Variants in FKRP observed in about 807,000 individuals in gnomAD.
FKRP encodes ribitol 5-phosphate transferase FKRP.
In FKRP, 25 loss-of-function variants were observed where a neutral mutation model predicts 30.6. The observed-to-expected ratio is 0.82, with a 90% CI of 0.60 to 1.14. The LOEUF (loss-of-function observed/expected upper bound fraction) is 1.14. FKRP is among the 50% of genes most tolerant of loss of function. FKRP has a pLI of 0.00. For synonymous variants in FKRP, 358 were observed against 342.5 expected (o/e 1.05, Z -0.50); for missense variants, 771 against 727.8 (o/e 1.06, Z -0.68).
rs1481394527 is a variant in FKRP, at chr19:46,757,951, A to C, written c.*1013A>C. ...GAACCGACTTCTGAATCGCAGCTCC[A>C]CTCATGACTAATACCTCATTATTTC... On this transcript the variant is annotated 3_prime_UTR_variant, in exon 4 of 4. Coordinates refer to ENST00000318584, the MANE Select transcript of FKRP (RefSeq NM_024301.5). 1 of 167,078 alleles carries C rather than the reference A, an allele frequency of 6.0e-6. No individual in the cohort carries two copies. Among genetic ancestry groups the C allele is most frequent in the Non-Finnish European group, 1.5e-5 (1 of 68,144 alleles). The allele number at this position is 167,078 out of a possible 1,614,324, so 10.3% of individuals were successfully genotyped here.
chr19:46,749,438 G>T (rs1176056480), intron 3 of FKRP, among the ~76,000 whole-genome samples: 8 of 138,062 alleles, frequency 5.8e-5, no homozygotes, highest in East Asian at 2.1e-4. Flanking sequence ...TTGAGATAAG[G>T]TCTCGAGGCC....
rs1340177306 is a variant in FKRP, at chr19:46,757,399, TG to T, written c.*468del. On this transcript the variant is annotated 3_prime_UTR_variant, in exon 4 of 4. Transcript: ENST00000318584. Reference sequence around the variant, plus strand: ...CTATCGCTTCGGAGCCAGGTGGGCCTGGGGGGGCGTCGCAGTCTCTCTGTGC... The same window carrying T: ...CTATCGCTTCGGAGCCAGGTGGGCCTGGGGGGCGTCGCAGTCTCTCTGTGC... 4 of 193,554 alleles carry T rather than the reference TG, an allele frequency of 2.1e-5. No individual in the cohort carries two copies. The highest frequency in any genetic ancestry group is 5.4e-5 in the Admixed American group (1 of 18,508). The allele number at this position is 193,554 out of a possible 1,614,324, so 12.0% of individuals were successfully genotyped here.
chr19:46,750,703 T>C (rs977479132), intron 3 of FKRP, among the ~76,000 whole-genome samples: 1 of 152,028 alleles, frequency 6.6e-6, no homozygotes, highest in African/African-American at 2.4e-5. Flanking sequence ...CTGATTTTTG[T>C]ATTTTTTTAG....
rs1331909254 is a variant in FKRP at position 46,758,400 on chromosome 19, A to G, written c.*1462A>G. On this transcript the variant is annotated 3_prime_UTR_variant, in exon 4 of 4. Transcript: ENST00000318584. The stretch of plus-strand genomic sequence containing the variant: ...AATGGTATTTGGGCATGTATTCCCA[A>G]TATGTGTATATTTATTTATAAATAT... 2 of 167,012 alleles carry G rather than the reference A, an allele frequency of 1.2e-5. No individual in the cohort carries two copies. 10.3% of individuals were successfully genotyped at this position (167,012 alleles called of 1,614,324 possible). A position where few individuals can be genotyped will look rare whatever the true frequency, so the allele number is the denominator to read the frequency against.
rs2054903007 is a variant in FKRP, at chr19:46,755,883, G to A, written c.433G>A (p.Val145Met). Reference sequence around the variant, plus strand: ...GGCACCTGGCCTGCTGGAGCGCATGGTGGAGGCGCTCCGCGCAGGAAGCGC... The same window carrying A: ...GGCACCTGGCCTGCTGGAGCGCATGATGGAGGCGCTCCGCGCAGGAAGCGC... ...AEAPGLLERMVEALRAGSARL... is the reference protein window; with the variant it reads ...AEAPGLLERMMEALRAGSARL... Residue 145 changes from valine (V) to methionine (M), a missense_variant, in exon 4 of 4, where the codon GTG (valine) becomes ATG (methionine). By Grantham distance (21) the Val-to-Met change is conservative. Coordinates refer to ENST00000318584, the MANE Select transcript of FKRP (RefSeq NM_024301.5). 6.7e-7 allele frequency: 1 copy of A among 1,502,058 alleles called. No homozygotes were observed. The highest frequency in any genetic ancestry group is 8.9e-7 in the Non-Finnish European group (1 of 1,129,336). 93.0% of individuals were successfully genotyped at this position (1,502,058 alleles called of 1,614,324 possible). A position where few individuals can be genotyped will look rare whatever the true frequency, so the allele number is the denominator to read the frequency against.
rs768376273 is a variant in FKRP, at chr19:46,755,487, G to A, written c.37G>A (p.Ala13Thr). 9 of 1,609,634 alleles carry A rather than the reference G, an allele frequency of 5.6e-6. No homozygotes were observed. The highest frequency in any genetic ancestry group is 1.7e-5 in the Admixed American group (1 of 59,892). The change falls in exon 4 of 4, where the codon GCC becomes ACC. Residue 13 changes from alanine (A) to threonine (T), a missense_variant. Coordinates refer to ENST00000318584, the MANE Select transcript of FKRP (RefSeq NM_024301.5). The stretch of plus-strand genomic sequence containing the variant: ...CCGCTGCCAGGCTGCCCTGGCGGCC[G>A]CCATCACCCTCAACCTTCTGGTCCT... Reference protein sequence around the residue: ...LTRCQAALAAAITLNLLVLFY... With the variant: ...LTRCQAALAATITLNLLVLFY...
upstream of FKRP, among the ~76,000 whole-genome samples, chr19:46,744,866 G>A (rs2054546573): frequency 6.6e-6 from 1 of 151,892 alleles, no homozygotes; most frequent in Non-Finnish European, 1.5e-5. Flanking sequence ...CTTCAAATCC[G>A]GACATCTCCA....
upstream of FKRP, chr19:46,745,996 T>TC (rs2054586159): frequency 1.1e-6 from 1 of 938,822 alleles, no homozygotes; most frequent in African/African-American, 1.8e-5. Flanking sequence ...GGACGGCCCC[T>TC]CACTCGCCCT....
intron 1 of FKRP, chr19:46,746,299 T>G: frequency 7.2e-7 from 1 of 1,383,502 alleles, no homozygotes; most frequent in Non-Finnish European, 9.3e-7. Flanking sequence ...CTCCCTTACC[T>G]GCCGGGCCCG....
chr19:46,758,545 C>G lies in FKRP; in HGVS notation c.*1607C>G, dbSNP rs1243611337. The G allele has an allele frequency of 6.1e-6, 1 of 164,882 alleles. No homozygotes were observed. Among genetic ancestry groups the G allele is most frequent in the Non-Finnish European group, 1.5e-5 (1 of 67,840 alleles). The allele number at this position is 164,882 out of a possible 1,614,324, so 10.2% of individuals were successfully genotyped here. ...CTCATCCCAATGACTTTTGCACACC[C>G]AGGTGTGAGCACCCAGCATTCAAGA... On this transcript the variant is annotated 3_prime_UTR_variant, in exon 4 of 4. Transcript: ENST00000318584.
upstream of FKRP, among the ~76,000 whole-genome samples, chr19:46,745,025 C>G (rs754813318): frequency 2.6e-5 from 4 of 151,956 alleles, no homozygotes; most frequent in Non-Finnish European, 5.9e-5. Context: ...AACATATCCC[C>G]TTCCCCCCAA....
chr19:46,756,405 C>A lies in FKRP; in HGVS notation c.955C>A (p.Leu319Met), dbSNP rs777792222. The A allele has an allele frequency of 1.9e-6, 3 of 1,570,482 alleles. No individual in the cohort carries two copies. In the East Asian group the frequency reaches 7.0e-5, roughly 37 times the overall value. The change falls in exon 4 of 4, where the codon CTG becomes ATG. Residue 319 changes from leucine to methionine, a missense_variant. Coordinates refer to ENST00000318584, the MANE Select transcript of FKRP (RefSeq NM_024301.5). The surrounding 1 kb of genome is among the most constrained non-coding windows in gnomAD (Gnocchi z 6.6). ...YEERWTPPCC[L>M]RALRETARYV... is the part of the protein sequence containing the mutation. The stretch of plus-strand genomic sequence containing the variant: ...GGAGCGCTGGACGCCCCCCTGCTGC[C>A]TGCGCGCGCTGCGCGAGACCGCCCG...
chr19:46,755,784 G>C lies in FKRP; in HGVS notation c.334G>C (p.Ala112Pro). 1.3e-6 allele frequency: 2 copies of C among 1,526,446 alleles called. No homozygotes were observed. The highest frequency in any genetic ancestry group is 8.8e-7 in the Non-Finnish European group (1 of 1,140,266). 94.6% of individuals were successfully genotyped at this position (1,526,446 alleles called of 1,614,324 possible). ...GCTCCAGCCCGCCCTGGACCGGCCA[G>C]CCGCAGCCTCGCGCCCGGAGACCTA... ...ALLQPALDRP[A>P]AASRPETYVA... is the part of the protein sequence containing the mutation. The change falls in exon 4 of 4, where the codon GCC becomes CCC. Residue 112 changes from alanine to proline, a missense_variant. Physicochemically the swap from Ala to Pro is conservative, Grantham distance 27. Transcript: ENST00000318584.
In FKRP at chr19:46,755,893, T is replaced by C. The variant is rs1317755427; in HGVS notation, c.443T>C (p.Leu148Pro). Residue 148 changes from leucine to proline, a missense_variant, in exon 4 of 4, where the codon CTC (leucine) becomes CCC (proline). Physicochemically the swap from Leu to Pro is moderately conservative, Grantham distance 98. Coordinates refer to ENST00000318584, the MANE Select transcript of FKRP (RefSeq NM_024301.5). ...CTGCTGGAGCGCATGGTGGAGGCGCTCCGCGCAGGAAGCGCACGTCTGGTG... is the reference window on the plus strand; with the variant it reads ...CTGCTGGAGCGCATGGTGGAGGCGCCCCGCGCAGGAAGCGCACGTCTGGTG... ...PGLLERMVEA[L>P]RAGSARLVAA... 6.6e-7 allele frequency: 1 copy of C among 1,510,060 alleles called. No homozygotes were observed. Among genetic ancestry groups the C allele is most frequent in the African/African-American group, 1.4e-5 (1 of 71,912 alleles). The allele number at this position is 1,510,060 out of a possible 1,614,324, so 93.5% of individuals were successfully genotyped here.
In FKRP at chr19:46,749,521, T is replaced by C. The variant is rs565297847; in HGVS notation, c.-40+856T>C. Among the ~76,000 whole-genome samples, 3 of 149,112 alleles carry C rather than the reference T, an allele frequency of 2.0e-5. No individual in the cohort carries two copies. In the East Asian group the frequency reaches 6.0e-4, roughly 30 times the overall value. On this transcript the variant is annotated intron_variant, in intron 3 of 3. Coordinates refer to ENST00000318584, the MANE Select transcript of FKRP (RefSeq NM_024301.5). ...GCGGGCGGATCACGAGGTCAGGAGA[T>C]TGAGACCATCCTGGCCAACATAGTG...
rs750241299 is a variant in FKRP, at chr19:46,755,509, T to C, written c.59T>C (p.Val20Ala). ...GCCGCCATCACCCTCAACCTTCTGG[T>C]CCTCTTCTATGTCTCGTGGCTGCAG... ...LAAAITLNLL[V>A]LFYVSWLQHQ... The change falls in exon 4 of 4, where the codon GTC becomes GCC. Residue 20 changes from valine (V) to alanine (A), a missense_variant. Coordinates refer to ENST00000318584, the MANE Select transcript of FKRP (RefSeq NM_024301.5). The C allele has an allele frequency of 5.0e-5, 81 of 1,611,186 alleles. No homozygotes were observed. The highest frequency in any genetic ancestry group is 6.9e-5 in the Non-Finnish European group (81 of 1,179,176).
chr19:46,756,513 G>A lies in FKRP; in HGVS notation c.1063G>A (p.Asp355Asn). 1.3e-6 allele frequency: 2 copies of A among 1,587,836 alleles called. No homozygotes were observed. Among genetic ancestry groups the A allele is most frequent in the Non-Finnish European group, 1.7e-6 (2 of 1,168,778 alleles). The part of the protein sequence containing the change: ...GSLLGAARHG[D>N]IIPWDYDVDL... ...ACTGCTGGGGGCCGCCCGCCACGGG[G>A]ACATCATCCCATGGGACTACGACGT... Residue 355 changes from aspartate to asparagine, a missense_variant, in exon 4 of 4, where the codon GAC (aspartate) becomes AAC (asparagine). Asp to Asn is a conservative substitution (Grantham distance 23). Transcript: ENST00000318584. The surrounding 1 kb of genome is among the most constrained non-coding windows in gnomAD (Gnocchi z 6.6).
Position 46,755,534 on chromosome 19 carries a change from G to T in FKRP, c.84G>T (p.Gln28His), listed in dbSNP as rs1473222153. ...LLVLFYVSWL[Q>H]HQPRNSRARG... ...TCCTCTTCTATGTCTCGTGGCTGCA[G>T]CACCAGCCTAGGAATTCCCGGGCCC... Residue 28 changes from glutamine (Q) to histidine (H), a missense_variant, in exon 4 of 4, where the codon CAG becomes CAT. By Grantham distance (24) the Gln-to-His change is conservative (BLOSUM62 0). Coordinates refer to ENST00000318584, the MANE Select transcript of FKRP (RefSeq NM_024301.5). 1.9e-6 allele frequency: 3 copies of T among 1,609,210 alleles called. No homozygotes were observed. The highest frequency in any genetic ancestry group is 2.5e-6 in the Non-Finnish European group (3 of 1,178,286).
chr19:46,750,492 A>C (rs1417943870), intron 3 of FKRP, among the ~76,000 whole-genome samples: 1 of 152,072 alleles, frequency 6.6e-6, no homozygotes, highest in Non-Finnish European at 1.5e-5. Flanking sequence ...TCGGTTCTCG[A>C]CCCTGCATCC....
Sources: allele counts gnomAD v4.1 joint callset (sites outside exome capture counted in the v4.1 genomes callset), GRCh38; gene constraint gnomAD v4.1.1; non-coding constraint Gnocchi (gnomAD v3.1); transcripts MANE v1.5; gene names NCBI Gene and HGNC (gene_info 2026-07-23, HGNC 2026-07-21).